DOP1B: variants seen among roughly 807,000 people sequenced by gnomAD.
The protein encoded by DOP1B is DOP1 leucine zipper like protein B.
DOP1B carries 174 observed loss-of-function variants against 233.5 expected under a neutral mutation model. That is an observed-to-expected ratio of 0.75 (90% CI 0.66 to 0.85). DOP1B has a LOEUF of 0.85. DOP1B is among the 40% of genes least tolerant of loss of function. The pLI, the probability that DOP1B is intolerant of heterozygous loss-of-function variation, is 0.00. For synonymous variants in DOP1B, 1,190 were observed against 1,185.6 expected (o/e 1.00, Z -0.08); for missense variants, 2,652 against 2,846.6 (o/e 0.93, Z 1.56).
intron 2 of DOP1B, among the ~76,000 whole-genome samples, chr21:36,187,905 T>G (rs1252449217): frequency 6.6e-6 from 1 of 152,178 alleles, no homozygotes; most frequent in East Asian, 1.9e-4. Flanking sequence ...CTGGCCTGCT[T>G]CTTTTTTTTC....
chr21:36,269,543 C>G (rs560037417), intron 26 of DOP1B, among the ~76,000 whole-genome samples: 12 of 151,250 alleles, frequency 7.9e-5, no homozygotes, highest in Non-Finnish European at 1.8e-4. Context: ...TTTTTTGAAA[C>G]GAAGTCTCAC....
chr21:36,273,713 A>G (rs2067317072), intron 27 of DOP1B, among the ~76,000 whole-genome samples: 1 of 152,150 alleles, frequency 6.6e-6, no homozygotes, highest in African/African-American at 2.4e-5. Context: ...GAGCTTCATG[A>G]AAGTGGTGGG....
intron 2 of DOP1B, among the ~76,000 whole-genome samples, chr21:36,165,497 T>G (rs907643476): frequency 2.0e-5 from 3 of 152,096 alleles, no homozygotes; most frequent in African/African-American, 7.2e-5. Context: ...GACCTTGTAC[T>G]CTATATCAGG....
At position 36,214,753 on chromosome 21, in the gene DOP1B, A is replaced by G. The variant is rs532386901; in HGVS notation, c.1129+197A>G. Among the ~76,000 whole-genome samples, 9 of 152,214 alleles carry G rather than the reference A, an allele frequency of 5.9e-5. No individual in the cohort carries two copies. In the East Asian group the frequency reaches 1.7e-3, roughly 29 times the overall value. On this transcript the variant is annotated intron_variant, in intron 9 of 36. Coordinates refer to ENST00000691173, the MANE Select transcript of DOP1B (RefSeq NM_001320714.2). ...TTACAAGTTTTGCATGGCTGGGCGC[A>G]GTGGCTCATGCCTGTAATCCTAGCA...
chr21:36,216,965 C>T (rs1175722693), intron 9 of DOP1B, among the ~76,000 whole-genome samples: 1 of 151,362 alleles, frequency 6.6e-6, no homozygotes, highest in East Asian at 1.9e-4. Flanking sequence ...ATCCCAACTA[C>T]TTGGGAGGCT....
chr21:36,197,919 G>A (rs1299631917), intron 2 of DOP1B, among the ~76,000 whole-genome samples: 1 of 151,618 alleles, frequency 6.6e-6, no homozygotes, highest in Non-Finnish European at 1.5e-5. Flanking sequence ...GCTGAGGAAG[G>A]AGAATCGCTT....
chr21:36,222,244 G>A (rs534745945), intron 10 of DOP1B, among the ~76,000 whole-genome samples: 1 of 152,054 alleles, frequency 6.6e-6, no homozygotes, highest in South Asian at 2.1e-4. Flanking sequence ...CAGGGATTTC[G>A]GTAGGATAAA....
intron 10 of DOP1B, among the ~76,000 whole-genome samples, chr21:36,222,514 A>G (rs1325071390): frequency 6.6e-6 from 1 of 151,198 alleles, no homozygotes; most frequent in East Asian, 2.0e-4. Flanking sequence ...TGAACCTGGG[A>G]GGCAGAGATT....
chr21:36,208,495 G>T (rs1189380485), intron 4 of DOP1B, among the ~76,000 whole-genome samples: 1 of 152,190 alleles, frequency 6.6e-6, no homozygotes, highest in Non-Finnish European at 1.5e-5. Flanking sequence ...GCGCTGCCTA[G>T]TGACATTGGT....
chr21:36,264,465 C>CT lies in DOP1B; in HGVS notation c.5487+665dup, dbSNP rs766718183. ...TCCATACATGGATATTTCTTTTTTTCTTTTTTTTTTTTTTGGGCCAGGGGG... is the reference window on the plus strand; with the variant it reads ...TCCATACATGGATATTTCTTTTTTTCTTTTTTTTTTTTTTTGGGCCAGGGGG... On this transcript the variant is annotated intron_variant, in intron 26 of 36. Transcript: ENST00000691173. 5.2e-3 allele frequency among the ~76,000 whole-genome samples: 736 copies of CT among 140,340 alleles called. 2 individuals are homozygous for CT. The highest frequency in any genetic ancestry group is 7.9e-3 in the Middle Eastern group (2 of 254). 92.1% of individuals were successfully genotyped at this position (140,340 alleles called of 152,430 possible).
chr21:36,192,059 A>G (rs2066240003), intron 2 of DOP1B, among the ~76,000 whole-genome samples: 1 of 151,726 alleles, frequency 6.6e-6, no homozygotes, highest in South Asian at 2.1e-4. Flanking sequence ...CAAACTCCTT[A>G]GGATAACTTT....
At chr21:36,196,894 G>A (rs1299573138) in intron 2 of DOP1B, among the ~76,000 whole-genome samples, 1 of 152,010 alleles carries the variant, frequency 6.6e-6, no homozygotes, top group Admixed American at 6.6e-5. Context: ...TCTCCAGCCT[G>A]TGTAACAGAG....
intron 22 of DOP1B, among the ~76,000 whole-genome samples, chr21:36,253,362 A>G (rs563081530): frequency 4.6e-4 from 70 of 152,320 alleles, no homozygotes; most frequent in Middle Eastern, 3.4e-3. Context: ...GTATCAAATT[A>G]TGTTGTTCCC....
chr21:36,270,796 C>G lies in DOP1B; in HGVS notation c.5632+639C>G, dbSNP rs142481805. Among the ~76,000 whole-genome samples, 725 of 150,962 alleles carry G rather than the reference C, an allele frequency of 4.8e-3. 12 individuals are homozygous for G. The highest frequency in any genetic ancestry group is 0.016 in the African/African-American group (671 of 40,892). On this transcript the variant is annotated intron_variant, in intron 27 of 36. Transcript: ENST00000691173. ...GCGCGTGGTAGTGGGCGCCTGTAAT[C>G]CCAGCTACATGGGAGGCTGAGGCAG...
At chr21:36,278,479 G>A (rs954726337) in intron 30 of DOP1B, 124 bp downstream of exon 30, 8 of 1,002,352 alleles carry the variant, frequency 8.0e-6, no homozygotes, top group East Asian at 5.0e-5. Flanking sequence ...ATAACAGGAC[G>A]TCCCTGTCAC....
intron 35 of DOP1B, among the ~76,000 whole-genome samples, chr21:36,291,404 CA>C (rs1305436982): frequency 6.6e-6 from 1 of 151,728 alleles, no homozygotes; most frequent in East Asian, 1.9e-4. Flanking sequence ...ACTAAAAATA[CA>C]AAAAAATTAG....
intron 2 of DOP1B, among the ~76,000 whole-genome samples, chr21:36,174,644 A>G (rs1243653332): frequency 6.6e-6 from 1 of 152,072 alleles, no homozygotes; most frequent in Non-Finnish European, 1.5e-5. Flanking sequence ...AGCTGAGACT[A>G]CAGGCATGTG....
intron 18 of DOP1B, among the ~76,000 whole-genome samples, chr21:36,240,375 G>C (rs112808143): frequency 7.0e-4 from 107 of 152,214 alleles, no homozygotes; most frequent in African/African-American, 2.5e-3. Flanking sequence ...AGCTACTCAG[G>C]AGGCTGAGGC....
rs1382446090 is a variant in DOP1B, at chr21:36,293,616, T to C, written c.*45T>C. The C allele has an allele frequency of 6.3e-7, 1 of 1,589,118 alleles. No homozygotes were observed. Among genetic ancestry groups the C allele is most frequent in the Non-Finnish European group, 8.6e-7 (1 of 1,161,728 alleles). ...TTTAATCCATGTATTGGTACTTTAC[T>C]GAAAACCAGGTTATATTCTAAAGAA... On this transcript the variant is annotated 3_prime_UTR_variant, in exon 37 of 37. Coordinates refer to ENST00000691173, the MANE Select transcript of DOP1B (RefSeq NM_001320714.2).
Sources: gnomAD v4.1 joint callset for allele counts (sites outside exome capture counted in the v4.1 genomes callset) on GRCh38, gnomAD v4.1.1 for gene constraint, MANE v1.5 for transcripts, NCBI Gene and HGNC (gene_info 2026-07-23, HGNC 2026-07-21) for gene names.